The following DCTN4 variants were observed in gnomAD, a reference collection of about 807,000 sequenced individuals.
DCTN4 encodes dynactin 4 (p62).
Under a neutral mutation model 62.7 loss-of-function variants are expected in DCTN4, and 23 were observed. The ratio of observed to expected loss-of-function variants is 0.37; its 90% CI spans 0.26 to 0.52. The LOEUF is 0.52. Among genes scored for constraint, DCTN4 ranks in the 20% least tolerant of loss-of-function variants. The pLI, the probability that DCTN4 is intolerant of heterozygous loss-of-function variation, is 0.92. For synonymous variants in DCTN4, 199 were observed against 202.1 expected, an observed-to-expected ratio of 0.98 and a Z score of 0.13; for missense variants, 514 against 580.4, an observed-to-expected ratio of 0.89 and a Z score of 1.18.
chr5:150,711,031 A>G lies in DCTN4; in HGVS notation c.*118T>C. 1 of 990,334 alleles carries G rather than the reference A, an allele frequency of 1.0e-6. No homozygotes were observed. The highest frequency in any genetic ancestry group is 1.6e-5 in the South Asian group (1 of 62,612). The allele number at this position is 990,334 out of a possible 1,614,324, so 61.3% of individuals were successfully genotyped here. A position where few individuals can be genotyped will look rare whatever the true frequency, so the allele number is the denominator to read the frequency against. On this transcript the variant is annotated 3_prime_UTR_variant, in exon 13 of 13. Coordinates refer to ENST00000447998, the MANE Select transcript of DCTN4 (RefSeq NM_016221.4). Reference sequence around the variant, plus strand: ...ATGCTCCCACTTTCTTAGCAATAGAATTCCGTAGTGCATGGGTACATCGTT... The same window carrying G: ...ATGCTCCCACTTTCTTAGCAATAGAGTTCCGTAGTGCATGGGTACATCGTT...
intron 8 of DCTN4, 85 bp downstream of exon 8, chr5:150,730,546 G>A: frequency 3.4e-6 from 4 of 1,181,638 alleles, no homozygotes; most frequent in Non-Finnish European, 3.7e-6. Flanking sequence ...ACATTCCAAA[G>A]GTTTTGACAT....
At chr5:150,748,953 GA>G (rs1308882695) in intron 3 of DCTN4, among the ~76,000 whole-genome samples, 5 of 151,296 alleles carry the variant, frequency 3.3e-5, no homozygotes, top group Admixed American at 1.3e-4. Flanking sequence ...GAAAAAAAAA[GA>G]AAAAAAGAAA....
chr5:150,731,375 A>G (rs550614307), intron 6 of DCTN4, 41 bp downstream of exon 6: 22 of 1,490,916 alleles, frequency 1.5e-5, no homozygotes, highest in Admixed American at 5.2e-5. Context: ...TCATTTTGAT[A>G]CCTGCTGTTC....
Position 150,756,424 on chromosome 5 carries a change from T to C in DCTN4, c.199A>G (p.Lys67Glu), listed in dbSNP as rs1752866016. 1 of 1,598,750 alleles carries C rather than the reference T, an allele frequency of 6.3e-7. No individual in the cohort carries two copies. The highest frequency in any genetic ancestry group is 8.5e-7 in the Non-Finnish European group (1 of 1,173,422). ...AATCAGTCCAGGTCTTACCTATTCT[T>C]TTTTAGTTTGGCTTCAGCCGATGGC... ...NMPSAEAKLK[K>E]NRCANCFDCP... The change falls in exon 2 of 13, where the codon AAG (lysine) becomes GAG (glutamate). Residue 67 changes from lysine to glutamate, a missense_variant. Transcript: ENST00000447998.
chr5:150,753,709 T>G, intron 2 of DCTN4, 52 bp from the exon 3 acceptor site: 1 of 1,549,156 alleles, frequency 6.5e-7, no homozygotes, highest in Non-Finnish European at 8.8e-7. Context: ...ATCAAGGAAT[T>G]CAAGAGAGAA....
chr5:150,746,190 A>G, intron 3 of DCTN4, among the ~76,000 whole-genome samples: 1 of 152,204 alleles, frequency 6.6e-6, no homozygotes, highest in African/African-American at 2.4e-5. Context: ...TAGAAAATCT[A>G]GAAGAAATGG....
intron 3 of DCTN4, among the ~76,000 whole-genome samples, chr5:150,742,638 A>G (rs748253671): frequency 3.1e-4 from 47 of 152,236 alleles, no homozygotes; most frequent in Non-Finnish European, 5.7e-4. Flanking sequence ...AGCACACAGC[A>G]TAAATCACAA....
chr5:150,737,457 A>G (rs1760623376), intron 4 of DCTN4, among the ~76,000 whole-genome samples: 1 of 152,192 alleles, frequency 6.6e-6, no homozygotes, highest in East Asian at 1.9e-4. Flanking sequence ...ATCACCTCCA[A>G]AAGGAACTCT....
intron 3 of DCTN4, among the ~76,000 whole-genome samples, chr5:150,753,155 G>A (rs1401304356): frequency 1.3e-5 from 2 of 152,188 alleles, no homozygotes; most frequent in African/African-American, 2.4e-5. Flanking sequence ...GTGAGCCACC[G>A]TGCCCGGCCT....
intron 3 of DCTN4, among the ~76,000 whole-genome samples, chr5:150,752,968 G>A (rs1367877027): frequency 2.0e-5 from 3 of 151,738 alleles, no homozygotes; most frequent in Non-Finnish European, 4.4e-5. Flanking sequence ...CCAGGTTCAC[G>A]CCATTCTCCT....
rs1752966198 is a variant in DCTN4 at position 150,759,004 on chromosome 5, G to T, written c.-11C>A. 6.2e-7 allele frequency: 1 copy of T among 1,612,802 alleles called. No homozygotes were observed. The highest frequency in any genetic ancestry group is 8.5e-7 in the Non-Finnish European group (1 of 1,179,108). On this transcript the variant is annotated 5_prime_UTR_variant, in exon 1 of 13. Transcript: ENST00000447998. ...CAGCAAGGACGCCATCTTGGGGAGG[G>T]AGGAGGCGATGACGCTCCCGGCGCA... is the stretch of plus-strand genomic sequence containing the variant.
At chr5:150,748,940 TAAG>T (rs1561709013) in intron 3 of DCTN4, among the ~76,000 whole-genome samples, 1 of 148,634 alleles carries the variant, frequency 6.7e-6, no homozygotes, top group Non-Finnish European at 1.5e-5. Context: ...AGTATAATAA[TAAG>T]AAAAAAAAAG....
In DCTN4 at chr5:150,708,460, T is replaced by C. The variant is rs1759451616; in HGVS notation, c.*2689A>G. 2 of 152,214 alleles carry C rather than the reference T, an allele frequency of 1.3e-5. No homozygotes were observed. Among genetic ancestry groups the C allele is most frequent in the African/African-American group, 2.4e-5 (1 of 41,450 alleles). 9.4% of individuals were successfully genotyped at this position (152,214 alleles called of 1,614,324 possible). A position where few individuals can be genotyped will look rare whatever the true frequency, so the allele number is the denominator to read the frequency against. On this transcript the variant is annotated 3_prime_UTR_variant, in exon 13 of 13. Coordinates refer to ENST00000447998, the MANE Select transcript of DCTN4 (RefSeq NM_016221.4). ...ACTGGTGGAGTCAGACCACTGTGTATATTGTAAAGGATATCTTTAGAAGCA... is the reference window on the plus strand; with the variant it reads ...ACTGGTGGAGTCAGACCACTGTGTACATTGTAAAGGATATCTTTAGAAGCA...
intron 8 of DCTN4, among the ~76,000 whole-genome samples, chr5:150,723,901 A>G (rs997010391): frequency 6.6e-6 from 1 of 152,174 alleles, no homozygotes; most frequent in Admixed American, 6.5e-5. Context: ...GTACATATAG[A>G]GAGGCCTCTG....
rs1477752856 is a variant in DCTN4 at position 150,711,153 on chromosome 5, G to A, written c.1379C>T (p.Pro460Leu). The A allele has an allele frequency of 6.2e-7, 1 of 1,612,194 alleles. No individual in the cohort carries two copies. Among genetic ancestry groups the A allele is most frequent in the Admixed American group, 1.7e-5 (1 of 60,014 alleles). Residue 460 changes from proline (P) to leucine (L), a missense_variant, in exon 13 of 13, where the codon CCT becomes CTT. Physicochemically the swap from Pro to Leu is moderately conservative, Grantham distance 98 (BLOSUM62 -3). Coordinates refer to ENST00000447998, the MANE Select transcript of DCTN4 (RefSeq NM_016221.4). ...TCTGCCCTCCAGTGGAACCTTTTAAGGAAGAAGTGGGCCCAAGCTAAGTTC... is the reference window on the plus strand; with the variant it reads ...TCTGCCCTCCAGTGGAACCTTTTAAAGAAGAAGTGGGCCCAAGCTAAGTTC... ...HVELSLGPLLP is the reference protein window; with the variant it reads ...HVELSLGPLLL
At chr5:150,721,071 G>A (rs1581569061) in intron 9 of DCTN4, among the ~76,000 whole-genome samples, 2 of 152,164 alleles carry the variant, frequency 1.3e-5, no homozygotes, top group East Asian at 1.9e-4. Context: ...AGAATCCCAA[G>A]AGGAATACAT....
chr5:150,743,445 A>G (rs139507034), intron 3 of DCTN4, among the ~76,000 whole-genome samples: 1,685 of 152,354 alleles, frequency 0.011, 30 homozygotes, highest in African/African-American at 0.037. Flanking sequence ...TGAGCAGAGC[A>G]GTGGTTCTCC....
chr5:150,758,827 C>T (rs1285739803), intron 1 of DCTN4, 32 bp downstream of exon 1: 5 of 1,608,744 alleles, frequency 3.1e-6, no homozygotes, highest in Middle Eastern at 1.7e-4. Context: ...CCCCCCCCAC[C>T]CCACATACTC....
At chr5:150,755,006 T>C (rs535140408) in intron 2 of DCTN4, among the ~76,000 whole-genome samples, 3 of 151,912 alleles carry the variant, frequency 2.0e-5, no homozygotes, top group Admixed American at 2.0e-4. Context: ...AAGATGAGTC[T>C]GGAGTATCTT....
Sources: allele counts gnomAD v4.1 joint callset (sites outside exome capture counted in the v4.1 genomes callset), GRCh38; gene constraint gnomAD v4.1.1; transcripts MANE v1.5; gene names NCBI Gene and HGNC (gene_info 2026-07-23, HGNC 2026-07-21).